Variants in PPP1CC observed in about 807,000 individuals in gnomAD.
PPP1CC encodes the protein protein phosphatase 1 catalytic subunit gamma.
In PPP1CC, 16 loss-of-function variants were observed where a neutral mutation model predicts 38.4. That is an observed-to-expected ratio of 0.42 (90% CI 0.28 to 0.63). The LOEUF is 0.63. Among genes scored for constraint, PPP1CC ranks in the 30% least tolerant of loss-of-function variants. PPP1CC has a pLI of 0.25. For synonymous variants in PPP1CC, 158 were observed against 136.0 expected (o/e 1.16, Z -1.13); for missense variants, 170 against 391.3 (o/e 0.43, Z 4.77).
chr12:110,713,453 G>A, the PPP1CC span, among the ~76,000 whole-genome samples: 3 of 152,092 alleles, frequency 2.0e-5, no homozygotes, highest in African/African-American at 7.2e-5. Context: ...TTTCTACTTG[G>A]AGAATACTTG....
the PPP1CC span, among the ~76,000 whole-genome samples, chr12:110,713,770 G>C: frequency 6.6e-6 from 1 of 152,158 alleles, no homozygotes; most frequent in African/African-American, 2.4e-5. Flanking sequence ...ATTGTCTTAA[G>C]AGGAATTCTG....
At chr12:110,740,706 G>T (rs1194367212) in intron 1 of PPP1CC, among the ~76,000 whole-genome samples, 1 of 152,250 alleles carries the variant, frequency 6.6e-6, no homozygotes, top group East Asian at 1.9e-4. Context: ...AAGAAACAAT[G>T]ATCTCATTTT....
At chr12:110,711,707 C>T in the PPP1CC span, among the ~76,000 whole-genome samples, 5 of 151,902 alleles carry the variant, frequency 3.3e-5, no homozygotes, top group Non-Finnish European at 5.9e-5. Context: ...GGAGGATCAC[C>T]TGAGGTTGGG....
chr12:110,710,191 C>T, the PPP1CC span, among the ~76,000 whole-genome samples: 2 of 151,676 alleles, frequency 1.3e-5, no homozygotes, highest in Non-Finnish European at 1.5e-5. Flanking sequence ...TCTAATACAC[C>T]TCATTATATT....
At chr12:110,735,846 C>T (rs937516027) in intron 1 of PPP1CC, among the ~76,000 whole-genome samples, 1 of 151,852 alleles carries the variant, frequency 6.6e-6, no homozygotes, top group Non-Finnish European at 1.5e-5. Flanking sequence ...GGGCGGATCA[C>T]CTGAGGTAAG....
chr12:110,709,845 T>A, the PPP1CC span, among the ~76,000 whole-genome samples: 1 of 151,286 alleles, frequency 6.6e-6, no homozygotes, highest in Non-Finnish European at 1.5e-5. Flanking sequence ...CTGCGCCTGG[T>A]CAAATTTTAA....
At chr12:110,710,717 C>CAA in the PPP1CC span, among the ~76,000 whole-genome samples, 78 of 27,896 alleles carry the variant, frequency 2.8e-3, no homozygotes, top group African/African-American at 4.7e-3. Context: ...GACTCTGTCT[C>CAA]AAAAAAAAAA....
intron 1 of PPP1CC, among the ~76,000 whole-genome samples, chr12:110,737,010 C>G (rs1372297499): frequency 1.3e-5 from 2 of 152,160 alleles, no homozygotes; most frequent in African/African-American, 4.8e-5. Context: ...ATAATTTTAA[C>G]AATATGCCAC....
downstream of PPP1CC, among the ~76,000 whole-genome samples, chr12:110,715,519 G>A (rs1384450224): frequency 4.0e-5 from 6 of 151,612 alleles, no homozygotes; most frequent in Admixed American, 3.9e-4. Flanking sequence ...TAATAGAGAC[G>A]GGGTGTCACC....
rs1188459729 is a variant in PPP1CC, at chr12:110,720,153, T to C, written c.*923A>G. On this transcript the variant is annotated 3_prime_UTR_variant, in exon 7 of 7. Transcript: ENST00000335007. ...AATCGGTCACTCGTATAGAACAGTA[T>C]TGTTTCTATAATTTGAAGCTTTCTG... 6.4e-7 allele frequency: 1 copy of C among 1,554,826 alleles called. No individual in the cohort carries two copies. Among genetic ancestry groups the C allele is most frequent in the Non-Finnish European group, 8.7e-7 (1 of 1,155,996 alleles).
In PPP1CC at chr12:110,722,315, T is replaced by C; in HGVS notation, c.748-46A>G. 3.7e-6 allele frequency: 6 copies of C among 1,600,268 alleles called. No homozygotes were observed. The highest frequency in any genetic ancestry group is 5.1e-6 in the Non-Finnish European group (6 of 1,170,344). ...AATATAAATAGGTGCAAATATTAGG[T>C]GAGTAAAACCATGTTTCAGTTTCCC... On this transcript the variant is annotated intron_variant, in intron 5 of 6. Coordinates refer to ENST00000335007, the MANE Select transcript of PPP1CC (RefSeq NM_002710.4). This position sits in a 1 kb window ranked among gnomAD's most constrained non-coding sequence, Gnocchi z 5.4.
intron 1 of PPP1CC, among the ~76,000 whole-genome samples, chr12:110,735,839 C>T (rs920802072): frequency 6.9e-5 from 10 of 144,610 alleles, no homozygotes; most frequent in African/African-American, 1.3e-4. Flanking sequence ...CCGAAGCGGG[C>T]GGATCACCTG....
At chr12:110,734,793 G>C (rs2069922621) in intron 1 of PPP1CC, 1 of 153,380 alleles carries the variant, frequency 6.5e-6, no homozygotes, top group Admixed American at 6.6e-5. Context: ...TTGTCTAACA[G>C]AGATTTCAAA....
At chr12:110,718,833 T>C (rs564270193), downstream of PPP1CC, among the ~76,000 whole-genome samples, 1 of 152,128 alleles carries the variant, frequency 6.6e-6, no homozygotes, top group South Asian at 2.1e-4. Context: ...GTCAAACAGA[T>C]TTCAAACTGA....
Position 110,720,141 on chromosome 12 carries a change from T to C in PPP1CC, c.*935A>G, listed in dbSNP as rs1394371872. ...CAAAGAAAGCATAATCGGTCACTCG[T>C]ATAGAACAGTATTGTTTCTATAATT... is the stretch of plus-strand genomic sequence containing the variant. On this transcript the variant is annotated 3_prime_UTR_variant, in exon 7 of 7. Coordinates refer to ENST00000335007, the MANE Select transcript of PPP1CC (RefSeq NM_002710.4). The C allele has an allele frequency of 7.1e-6, 11 of 1,552,140 alleles. No homozygotes were observed. The highest frequency in any genetic ancestry group is 8.7e-6 in the Non-Finnish European group (10 of 1,154,586).
At chr12:110,727,547 A>C (rs1291895711) in intron 3 of PPP1CC, among the ~76,000 whole-genome samples, 1 of 151,866 alleles carries the variant, frequency 6.6e-6, no homozygotes, top group Non-Finnish European at 1.5e-5. Context: ...GCAGAAACAG[A>C]TCAACAAACA....
chr12:110,719,995 C>G lies in PPP1CC; in HGVS notation c.*1081G>C. The G allele has an allele frequency of 3.0e-6, 2 of 677,508 alleles. No homozygotes were observed. Among genetic ancestry groups the G allele is most frequent in the Non-Finnish European group, 4.9e-6 (2 of 410,776 alleles). 42.0% of individuals were successfully genotyped at this position (677,508 alleles called of 1,614,324 possible). Reference sequence around the variant, plus strand: ...CTGTTGAAACAGATTTCTTTTTTAACAGATCTTAGTTTAAAAAAGTCATAG... The same window carrying G: ...CTGTTGAAACAGATTTCTTTTTTAAGAGATCTTAGTTTAAAAAAGTCATAG... On this transcript the variant is annotated 3_prime_UTR_variant, in exon 7 of 7. Coordinates refer to ENST00000335007, the MANE Select transcript of PPP1CC (RefSeq NM_002710.4).
intron 1 of PPP1CC, chr12:110,733,077 T>C (rs1162782413): frequency 6.6e-6 from 1 of 152,198 alleles, no homozygotes; most frequent in Non-Finnish European, 1.5e-5. Flanking sequence ...AAACAGCAAC[T>C]GAGCAACAAA....
rs1345673159 is a variant in PPP1CC at position 110,742,771 on chromosome 12, C to T, written c.-64G>A. The T allele has an allele frequency of 1.5e-5, 19 of 1,275,774 alleles. No homozygotes were observed. The highest frequency in any genetic ancestry group is 1.8e-5 in the Non-Finnish European group (18 of 985,640). The allele number at this position is 1,275,774 out of a possible 1,614,324, so 79.0% of individuals were successfully genotyped here. On this transcript the variant is annotated 5_prime_UTR_variant, in exon 1 of 7. Transcript: ENST00000335007. The stretch of plus-strand genomic sequence containing the variant: ...GCCGGCTCGCGCCCGGGACTCACAC[C>T]TCCTTTCCCACGCCACGAGCAGAGG...
Sources: allele counts gnomAD v4.1 joint callset (sites outside exome capture counted in the v4.1 genomes callset), GRCh38; gene constraint gnomAD v4.1.1; non-coding constraint Gnocchi (gnomAD v3.1); transcripts MANE v1.5; gene names NCBI Gene and HGNC (gene_info 2026-07-23, HGNC 2026-07-21).